The following PCSK1 variants were observed in gnomAD, a reference collection of about 807,000 sequenced individuals.
PCSK1 encodes the protein neuroendocrine convertase 1.
In PCSK1, 56 loss-of-function variants were observed where a neutral mutation model predicts 90.6. The ratio of observed to expected loss-of-function variants is 0.62; its 90% CI spans 0.50 to 0.77. PCSK1 has a LOEUF of 0.77. Ranked by LOEUF, PCSK1 falls within the 30% of genes least tolerant of loss-of-function variation. The pLI, the probability that PCSK1 is intolerant of heterozygous loss-of-function variation, is 0.00. For synonymous variants in PCSK1, 348 were observed against 342.4 expected (o/e 1.02, Z -0.18); for missense variants, 801 against 932.6 (o/e 0.86, Z 1.84).
intron 3 of PCSK1, among the ~76,000 whole-genome samples, chr5:96,425,012 GAAAGAAAGAAA>G: frequency 1.5e-4 from 3 of 19,758 alleles, no homozygotes; most frequent in Middle Eastern, 0.071. Flanking sequence ...AGAAAGAAAA[GAAAGAAAGAAA>G]GAAAGAAAGA....
At chr5:96,396,105 T>C (rs1251494461) in intron 12 of PCSK1, among the ~76,000 whole-genome samples, 1 of 152,192 alleles carries the variant, frequency 6.6e-6, no homozygotes, top group Non-Finnish European at 1.5e-5. Context: ...CATTCTTTTT[T>C]TGCTCTATGA....
chr5:96,409,192 G>A (rs1046050744), intron 8 of PCSK1, among the ~76,000 whole-genome samples: 2 of 152,302 alleles, frequency 1.3e-5, no homozygotes, highest in Middle Eastern at 3.4e-3. Flanking sequence ...GGACCACGGC[G>A]CTGCTGGTTG....
Position 96,393,249 on chromosome 5 carries a change from G to C in PCSK1, c.2014C>G (p.Gln672Glu). Residue 672 changes from glutamine to glutamate, a missense_variant, in exon 14 of 14, where the codon CAA (glutamine) becomes GAA (glutamate). Coordinates refer to ENST00000311106, the MANE Select transcript of PCSK1 (RefSeq NM_000439.5). ...GGTGAGTTTTTACTGAAAGCACTTT[G>C]CAGGAGTCGCAGCATGGCCTGGGAA... ...APSQAMLRLL[Q>E]SAFSKNSPPK... 1 of 1,614,004 alleles carries C rather than the reference G, an allele frequency of 6.2e-7. No homozygotes were observed. Among genetic ancestry groups the C allele is most frequent in the Non-Finnish European group, 8.5e-7 (1 of 1,179,958 alleles).
rs768936039 is a variant in PCSK1 at position 96,429,326 on chromosome 5, G to A, written c.181-9C>T. On this transcript the variant is annotated splice_polypyrimidine_tract_variant and intron_variant, in intron 1 of 13. Transcript: ENST00000311106. The stretch of plus-strand genomic sequence containing the variant: ...TTTTCAAGTGAACCAATCTATAAAA[G>A]GAAAGAAATAAAATAAATATCCACG... The A allele has an allele frequency of 7.1e-7, 1 of 1,413,450 alleles. No individual in the cohort carries two copies. Among genetic ancestry groups the A allele is most frequent in the Admixed American group, 1.7e-5 (1 of 59,680 alleles). The allele number at this position is 1,413,450 out of a possible 1,614,324, so 87.6% of individuals were successfully genotyped here.
Position 96,393,076 on chromosome 5 carries a change from A to G in PCSK1, c.2187T>C (p.Tyr729=). The G allele has an allele frequency of 6.2e-7, 1 of 1,614,122 alleles. No individual in the cohort carries two copies. Among genetic ancestry groups the G allele is most frequent in the Non-Finnish European group, 8.5e-7 (1 of 1,179,938 alleles). Residue 729 remains tyrosine (Y), a synonymous_variant, in exon 14 of 14, where the codon TAT becomes TAC. Coordinates refer to ENST00000311106, the MANE Select transcript of PCSK1 (RefSeq NM_000439.5). ...CTCTGTGCTTGTAAGGTTTAGTGTT[A>G]TAAAAAACATCAACATAGTCATTAT... ...SLYNDYVDVF[Y]NTKPYKHRDD...
At position 96,433,225 on chromosome 5, in the gene PCSK1, A is replaced by G. The variant is rs1761565046; in HGVS notation, c.-183T>C. 1 of 643,264 alleles carries G rather than the reference A, an allele frequency of 1.6e-6. No homozygotes were observed. Among genetic ancestry groups the G allele is most frequent in the East Asian group, 2.8e-5 (1 of 36,218 alleles). 39.8% of individuals were successfully genotyped at this position (643,264 alleles called of 1,614,324 possible). ...CTGGGCGGCGGCGAGCGCTCAGTGA[A>G]GCGCTTCGGTCTCCAGGCTGAGTGG... On this transcript the variant is annotated 5_prime_UTR_variant, in exon 1 of 14. Transcript: ENST00000311106.
In PCSK1 at chr5:96,393,277, G is replaced by A; in HGVS notation, c.1986C>T (p.Ala662=). The A allele has an allele frequency of 2.5e-6, 4 of 1,613,950 alleles. No homozygotes were observed. Among genetic ancestry groups the A allele is most frequent in the Non-Finnish European group, 3.4e-6 (4 of 1,179,926 alleles). Reference sequence around the variant, plus strand: ...GGAGTCGCAGCATGGCCTGGGAAGGGGCTCCCTCCTCCAACTCATCCCTCC... The same window carrying A: ...GGAGTCGCAGCATGGCCTGGGAAGGAGCTCCCTCCTCCAACTCATCCCTCC... ...GGRRDELEEG[A]PSQAMLRLLQ... Residue 662 remains alanine (A), a synonymous_variant, in exon 14 of 14, where the codon GCC becomes GCT. Transcript: ENST00000311106.
rs1451463309 is a variant in PCSK1 at position 96,410,974 on chromosome 5, TC to T, written c.894del (p.Lys299ArgfsTer135). 2 of 1,612,228 alleles carry T rather than the reference TC, an allele frequency of 1.2e-6. No homozygotes were observed. The highest frequency in any genetic ancestry group is 1.7e-6 in the Non-Finnish European group (2 of 1,179,064). On this transcript the variant is annotated frameshift_variant, in exon 8 of 14. Transcript: ENST00000311106. LOFTEE classifies it high-confidence loss of function. ...FEYGVKQGRQGKGSIFVWASG... is the reference protein window; with the variant it reads ...FEYGVKQGRQXKGSIFVWASG... ...GAAGCCCAGACGAAGATGGACCCCTTCCCCTGTCTCCCCTAAAGGAAAAGCC... is the reference window on the plus strand; with the variant it reads ...GAAGCCCAGACGAAGATGGACCCCTTCCCTGTCTCCCCTAAAGGAAAAGCC...
At chr5:96,423,157 A>G (rs1219489732) in intron 4 of PCSK1, among the ~76,000 whole-genome samples, 156 bp downstream of exon 4, 1 of 152,206 alleles carries the variant, frequency 6.6e-6, no homozygotes, top group Admixed American at 6.5e-5. Flanking sequence ...ATAAATTCAT[A>G]TAAGCTAGTG....
chr5:96,402,296 GAC>G (rs1463741115), intron 9 of PCSK1, among the ~76,000 whole-genome samples: 1 of 152,242 alleles, frequency 6.6e-6, no homozygotes, highest in African/African-American at 2.4e-5. Flanking sequence ...TCCCCATGCA[GAC>G]ACAGTGTGCA....
At chr5:96,415,473 A>G (rs1760911056) in intron 6 of PCSK1, among the ~76,000 whole-genome samples, 2 of 152,200 alleles carry the variant, frequency 1.3e-5, no homozygotes, top group Admixed American at 6.5e-5. Context: ...ATTCTTGTAA[A>G]TCGTTTCTTT....
intron 5 of PCSK1, among the ~76,000 whole-genome samples, chr5:96,418,731 G>C (rs568609785): frequency 9.9e-5 from 15 of 152,244 alleles, no homozygotes; most frequent in African/African-American, 3.1e-4. Flanking sequence ...ATGCTAGAAG[G>C]CAAATCTACT....
chr5:96,392,722 A>G lies in PCSK1; in HGVS notation c.*279T>C. ...CTAATGCAGTGTTCTAATGTAGTGT[A>G]AGAGCTTTTTGTCAACTGTGACTCC... On this transcript the variant is annotated 3_prime_UTR_variant, in exon 14 of 14. Transcript: ENST00000311106. The G allele has an allele frequency of 2.1e-6, 1 of 484,532 alleles. No homozygotes were observed. Among genetic ancestry groups the G allele is most frequent in the South Asian group, 2.3e-5 (1 of 43,806 alleles). The allele number at this position is 484,532 out of a possible 1,614,324, so 30.0% of individuals were successfully genotyped here.
intron 6 of PCSK1, among the ~76,000 whole-genome samples, chr5:96,414,915 T>G (rs909014453): frequency 9.2e-5 from 14 of 152,196 alleles, no homozygotes; most frequent in African/African-American, 1.2e-4. Context: ...AAAGATGCAT[T>G]ACATGTCACG....
intron 8 of PCSK1, among the ~76,000 whole-genome samples, chr5:96,410,437 A>G (rs1760716250): frequency 6.6e-6 from 1 of 151,880 alleles, no homozygotes; most frequent in South Asian, 2.1e-4. Flanking sequence ...AGCCCCTACA[A>G]CCCTGAGATC....
At chr5:96,409,847 C>T (rs879718386) in intron 8 of PCSK1, among the ~76,000 whole-genome samples, 1 of 152,182 alleles carries the variant, frequency 6.6e-6, no homozygotes, top group South Asian at 2.1e-4. Context: ...GTTGAGACCA[C>T]AGCTTTACTG....
intron 5 of PCSK1, among the ~76,000 whole-genome samples, chr5:96,418,049 T>C (rs1760988942): frequency 6.6e-6 from 1 of 152,208 alleles, no homozygotes; most frequent in East Asian, 1.9e-4. Flanking sequence ...TGTGCCTTTG[T>C]CCTAAAAAAT....
rs1404908632 is a variant in PCSK1, at chr5:96,425,044, G to GAAAGAAAA, written c.396+775_396+776insTTTTCTTT. On this transcript the variant is annotated intron_variant, in intron 3 of 13. Coordinates refer to ENST00000311106, the MANE Select transcript of PCSK1 (RefSeq NM_000439.5). ...AGAAAGAAAGAAAGAAAGAAAGAAAGAAAGAAAGAAAGAAAGAAAGAAAGA... is the reference window on the plus strand; with the variant it reads ...AGAAAGAAAGAAAGAAAGAAAGAAAGAAAGAAAAAAAGAAAGAAAGAAAGAAAGAAAGA... 4.7e-3 allele frequency among the ~76,000 whole-genome samples: 601 copies of GAAAGAAAA among 127,176 alleles called. 11 individuals carry two copies. The highest frequency in any genetic ancestry group is 0.016 in the African/African-American group (582 of 36,728). The allele number at this position is 127,176 out of a possible 152,430, so 83.4% of individuals were successfully genotyped here.
At chr5:96,415,178 A>C (rs1760900752) in intron 6 of PCSK1, among the ~76,000 whole-genome samples, 1 of 152,184 alleles carries the variant, frequency 6.6e-6, no homozygotes, top group African/African-American at 2.4e-5. Flanking sequence ...ACTCTTCTCC[A>C]TTAGAACATG....
Sources: gnomAD v4.1 joint callset for allele counts (sites outside exome capture counted in the v4.1 genomes callset) on GRCh38, gnomAD v4.1.1 for gene constraint, MANE v1.5 for transcripts, NCBI Gene and HGNC (gene_info 2026-07-23, HGNC 2026-07-21) for gene names.